MEF2C: variants seen among roughly 807,000 people sequenced by gnomAD.
The protein encoded by MEF2C is myocyte enhancer factor 2C.
A neutral mutation model predicts 50.5 loss-of-function variants in MEF2C; 6 were observed. The observed-to-expected ratio is 0.12, with a 90% confidence interval of 0.07 to 0.23. The LOEUF (loss-of-function observed/expected upper bound fraction) is 0.23. MEF2C is among the 10% of genes least tolerant of loss of function. MEF2C has a pLI of 1.00. For synonymous variants in MEF2C, 183 were observed against 228.0 expected (o/e 0.80, Z 1.78); for missense variants, 276 against 605.0 (o/e 0.46, Z 5.70).
chr5:88,738,409 T>C (rs1202660408), intron 6 of MEF2C: 1 of 976,484 alleles, frequency 1.0e-6, no homozygotes, highest in Non-Finnish European at 1.2e-6. Flanking sequence ...TACATGGATA[T>C]AAAGCACTTT....
intron 3 of MEF2C, among the ~76,000 whole-genome samples, chr5:88,783,169 T>A (rs1789009287): frequency 6.6e-6 from 1 of 152,188 alleles, no homozygotes; most frequent in Non-Finnish European, 1.5e-5. Flanking sequence ...GATGACATGG[T>A]ATCAGGAGCG....
intron 6 of MEF2C, 109 bp downstream of exon 6, chr5:88,748,961 C>A: frequency 6.5e-7 from 1 of 1,533,816 alleles, no homozygotes; most frequent in Non-Finnish European, 8.8e-7. Flanking sequence ...TTTTCCATGC[C>A]TCTCACAGAT....
intron 1 of MEF2C, among the ~76,000 whole-genome samples, chr5:88,853,425 T>C (rs1822127554): frequency 6.6e-6 from 1 of 152,194 alleles, no homozygotes; most frequent in Non-Finnish European, 1.5e-5. Context: ...GTTAGCTCCA[T>C]AATGCCTAGA....
chr5:88,729,108 C>T (rs1026833121), intron 9 of MEF2C, 110 bp downstream of exon 9: 49 of 1,228,644 alleles, frequency 4.0e-5, no homozygotes, highest in African/African-American at 7.5e-5. Context: ...GTGCTGTGGA[C>T]GGCGCAGGCC....
chr5:88,875,981 T>G (rs1342795794), intron 1 of MEF2C, among the ~76,000 whole-genome samples: 1 of 151,528 alleles, frequency 6.6e-6, no homozygotes, highest in Non-Finnish European at 1.5e-5. Flanking sequence ...TACAAAGAAT[T>G]AAAAGAGTTT....
rs563846067 is a variant in MEF2C, at chr5:88,788,878, T to C, written c.258+15720A>G. On this transcript the variant is annotated intron_variant, in intron 3 of 10. Coordinates refer to ENST00000504921, the MANE Select transcript of MEF2C (RefSeq NM_002397.5). ...ATGTGTACAGTAACTTTCAAAGGGGTTGGGTTTCTGGAACTAACCACAGAG... is the reference window on the plus strand; with the variant it reads ...ATGTGTACAGTAACTTTCAAAGGGGCTGGGTTTCTGGAACTAACCACAGAG... Among the ~76,000 whole-genome samples, 35 of 152,188 alleles carry C rather than the reference T, an allele frequency of 2.3e-4. No individual in the cohort carries two copies. The East Asian group carries it at 6.8e-3, about 29-fold the overall frequency.
intron 3 of MEF2C, chr5:88,768,643 C>T: frequency 1.0e-6 from 1 of 974,302 alleles, no homozygotes; most frequent in Non-Finnish European, 1.2e-6. Flanking sequence ...ATATTTGCAG[C>T]ATTCATGACA....
At chr5:88,768,147 T>C (rs2152745562) in intron 3 of MEF2C, among the ~76,000 whole-genome samples, 2 of 152,332 alleles carry the variant, frequency 1.3e-5, no homozygotes, top group South Asian at 4.1e-4. Context: ...CTACACATTT[T>C]CCCACTATAG....
At position 88,728,591 on chromosome 5, in the gene MEF2C, A is replaced by G. The variant is rs2152208828; in HGVS notation, c.1002T>C (p.Ser334=). The G allele has an allele frequency of 1.3e-6, 2 of 1,530,430 alleles. No individual in the cohort carries two copies. Among genetic ancestry groups the G allele is most frequent in the Non-Finnish European group, 1.8e-6 (2 of 1,135,096 alleles). The allele number at this position is 1,530,430 out of a possible 1,614,324, so 94.8% of individuals were successfully genotyped here. A position where few individuals can be genotyped will look rare whatever the true frequency, so the allele number is the denominator to read the frequency against. ...SLSSADLSSL[S]GFNTASALHL... ...GAAGAGCGCTGGCGGTGTTAAACCCAGACAGAGATGACAGGTCTGCACTAC... is the reference window on the plus strand; with the variant it reads ...GAAGAGCGCTGGCGGTGTTAAACCCGGACAGAGATGACAGGTCTGCACTAC... The change falls in exon 10 of 11, where the codon TCT becomes TCC. Residue 334 remains serine (S), a synonymous_variant. Coordinates refer to ENST00000504921, the MANE Select transcript of MEF2C (RefSeq NM_002397.5).
chr5:88,869,303 A>ACG lies in MEF2C; in HGVS notation c.-143+13651_-143+13652insCG, dbSNP rs1348052585. Reference sequence around the variant, plus strand: ...CATATATATATATATATACACATATATATATATATATACACATATAGCTTC... The same window carrying ACG: ...CATATATATATATATATACACATATACGTATATATATATACACATATAGCTTC... On this transcript the variant is annotated intron_variant, in intron 1 of 10. Coordinates refer to ENST00000504921, the MANE Select transcript of MEF2C (RefSeq NM_002397.5). Among the ~76,000 whole-genome samples, 16 of 105,542 alleles carry ACG rather than the reference A, an allele frequency of 1.5e-4. No individual in the cohort carries two copies. In the East Asian group the frequency reaches 1.8e-3, roughly 12 times the overall value. The allele number at this position is 105,542 out of a possible 152,430, so 69.2% of individuals were successfully genotyped here. A position where few individuals can be genotyped will look rare whatever the true frequency, so the allele number is the denominator to read the frequency against.
intron 3 of MEF2C, among the ~76,000 whole-genome samples, chr5:88,785,852 AG>A (rs1415338365): frequency 6.6e-6 from 1 of 152,098 alleles, no homozygotes; most frequent in African/African-American, 2.4e-5. Context: ...AAAAAAAAAA[AG>A]TATCCTGGGG....
intron 10 of MEF2C, among the ~76,000 whole-genome samples, chr5:88,728,155 C>A (rs1319179800): frequency 6.6e-6 from 1 of 151,858 alleles, no homozygotes; most frequent in Admixed American, 6.6e-5. Context: ...GAAAAATTCT[C>A]AAATATCTAA....
intron 1 of MEF2C, among the ~76,000 whole-genome samples, chr5:88,899,819 CTA>C (rs916106896): frequency 1.3e-5 from 2 of 152,040 alleles, no homozygotes; most frequent in Non-Finnish European, 2.9e-5. Flanking sequence ...TTGATTTGGA[CTA>C]AATGTAATGG....
intron 1 of MEF2C, among the ~76,000 whole-genome samples, chr5:88,871,751 A>G (rs1056136899): frequency 1.3e-5 from 2 of 152,102 alleles, no homozygotes; most frequent in African/African-American, 2.4e-5. Flanking sequence ...CGTTATCAGA[A>G]GGTATAATCC....
intron 3 of MEF2C, among the ~76,000 whole-genome samples, chr5:88,793,429 C>T (rs1794676777): frequency 6.6e-6 from 1 of 152,076 alleles, no homozygotes; most frequent in African/African-American, 2.4e-5. Context: ...TGTGAGCCAA[C>T]TTAAGGACTG....
chr5:88,804,952 T>C (rs1799771952), intron 2 of MEF2C, among the ~76,000 whole-genome samples, 151 bp from the exon 3 acceptor site: 1 of 152,234 alleles, frequency 6.6e-6, no homozygotes, highest in African/African-American at 2.4e-5. Flanking sequence ...CAAATAAATC[T>C]AATATTAATT....
intron 2 of MEF2C, chr5:88,819,235 A>G (rs1379201642): frequency 2.0e-6 from 1 of 503,612 alleles, no homozygotes; most frequent in Non-Finnish European, 2.6e-6. Flanking sequence ...CCATGCTCTT[A>G]GTTATTATAT....
intron 3 of MEF2C, among the ~76,000 whole-genome samples, chr5:88,764,228 A>C (rs1361182357): frequency 1.3e-5 from 2 of 152,294 alleles, no homozygotes; most frequent in East Asian, 3.9e-4. Flanking sequence ...GGTTTATAAA[A>C]ATTCAAACAT....
chr5:88,730,554 C>A (rs1322078449), intron 7 of MEF2C, among the ~76,000 whole-genome samples: 2 of 152,134 alleles, frequency 1.3e-5, no homozygotes, highest in African/African-American at 2.4e-5. Flanking sequence ...GGGAGCTACA[C>A]ACCTGGCTGC....
Sources: allele counts gnomAD v4.1 joint callset (sites outside exome capture counted in the v4.1 genomes callset), GRCh38; gene constraint gnomAD v4.1.1; transcripts MANE v1.5; gene names NCBI Gene and HGNC (gene_info 2026-07-23, HGNC 2026-07-21).